STXBP5: variants seen among roughly 807,000 people sequenced by gnomAD.
STXBP5 encodes syntaxin binding protein 5, also known as syntaxin-binding protein 5.
Under a neutral mutation model 152.4 loss-of-function variants are expected in STXBP5, and 50 were observed. The observed-to-expected ratio is 0.33, with a 90% CI of 0.26 to 0.42. The LOEUF is 0.42. STXBP5 is among the 10% of genes least tolerant of loss of function. STXBP5 has a pLI of 1.00. For synonymous variants in STXBP5, 492 were observed against 494.7 expected, an observed-to-expected ratio of 0.99 and a Z score of 0.07; for missense variants, 1,167 against 1,388.6, an observed-to-expected ratio of 0.84 and a Z score of 2.54.
intron 23 of STXBP5, among the ~76,000 whole-genome samples, chr6:147,359,673 A>G (rs1427734838): frequency 7.5e-6 from 1 of 133,030 alleles, no homozygotes; most frequent in South Asian, 2.3e-4. Flanking sequence ...ATGTGTTCTC[A>G]TTGTTCAGTT....
At chr6:147,319,758 T>C (rs1417369342) in intron 16 of STXBP5, among the ~76,000 whole-genome samples, 1 of 151,472 alleles carries the variant, frequency 6.6e-6, no homozygotes, top group Non-Finnish European at 1.5e-5. Context: ...CAGAGTCCTG[T>C]CACCTGTAAT....
chr6:147,290,959 A>G (rs926356285), intron 8 of STXBP5, 135 bp from the exon 9 acceptor site: 10 of 583,196 alleles, frequency 1.7e-5, no homozygotes, highest in Non-Finnish European at 2.3e-5. Flanking sequence ...TGTGTATTAA[A>G]TGCCTCTTTC....
chr6:147,335,428 A>G (rs745843930), intron 19 of STXBP5, among the ~76,000 whole-genome samples: 1 of 152,210 alleles, frequency 6.6e-6, no homozygotes, highest in Non-Finnish European at 1.5e-5. Context: ...TGTTAAGGAT[A>G]TAAGCCAGGG....
chr6:147,364,964 T>C (rs1435107171), intron 25 of STXBP5, among the ~76,000 whole-genome samples: 1 of 152,190 alleles, frequency 6.6e-6, no homozygotes, highest in Non-Finnish European at 1.5e-5. Context: ...AACTATACAA[T>C]TATGTAATCA....
chr6:147,218,474 TG>T (rs1777292508), intron 2 of STXBP5, among the ~76,000 whole-genome samples: 1 of 152,138 alleles, frequency 6.6e-6, no homozygotes, highest in South Asian at 2.1e-4. Context: ...TGAATGACTA[TG>T]TTTTTTGGTT....
chr6:147,347,960 ATTGT>A (rs1171323538), intron 21 of STXBP5, among the ~76,000 whole-genome samples: 1 of 152,214 alleles, frequency 6.6e-6, no homozygotes, highest in East Asian at 1.9e-4. Context: ...ATGTTGGGTG[ATTGT>A]TTTTAATGTA....
intron 4 of STXBP5, among the ~76,000 whole-genome samples, chr6:147,249,896 T>A (rs2115272747): frequency 6.6e-6 from 1 of 152,206 alleles, no homozygotes; most frequent in East Asian, 1.9e-4. Flanking sequence ...AGAAAGTTTT[T>A]AAAAGTATCA....
rs943709007 is a variant in STXBP5, at chr6:147,388,821, T to C, written c.*4066T>C. The C allele has an allele frequency of 6.6e-6, 1 of 150,496 alleles. No individual in the cohort carries two copies. The highest frequency in any genetic ancestry group is 1.5e-5 in the Non-Finnish European group (1 of 67,342). 9.3% of individuals were successfully genotyped at this position (150,496 alleles called of 1,614,324 possible). On this transcript the variant is annotated 3_prime_UTR_variant, in exon 28 of 28. Transcript: ENST00000321680. Reference sequence around the variant, plus strand: ...GTTTTAAAATATAGATATATATATATATATTTAAAATAGTTTTCCAGGTAT... The same window carrying C: ...GTTTTAAAATATAGATATATATATACATATTTAAAATAGTTTTCCAGGTAT...
chr6:147,220,496 G>A (rs185546156), intron 2 of STXBP5, among the ~76,000 whole-genome samples: 5 of 152,056 alleles, frequency 3.3e-5, no homozygotes, highest in Non-Finnish European at 5.9e-5. Flanking sequence ...CTGTAATAGC[G>A]GATTCATATA....
At chr6:147,218,000 T>C (rs943938243) in intron 2 of STXBP5, among the ~76,000 whole-genome samples, 1 of 151,934 alleles carries the variant, frequency 6.6e-6, no homozygotes, top group Non-Finnish European at 1.5e-5. Flanking sequence ...CCTACTCTTA[T>C]CATGATGATG....
Position 147,387,085 on chromosome 6 carries a change from T to C in STXBP5, c.*2330T>C, listed in dbSNP as rs1366574554. 6.6e-6 allele frequency: 1 copy of C among 151,696 alleles called. No individual in the cohort carries two copies. 9.4% of individuals were successfully genotyped at this position (151,696 alleles called of 1,614,324 possible). A position where few individuals can be genotyped will look rare whatever the true frequency, so the allele number is the denominator to read the frequency against. Reference sequence around the variant, plus strand: ...AATTTTTAAATTAATCTACAAATTATGCACAACAAACTAGAGACTCAGTTA... The same window carrying C: ...AATTTTTAAATTAATCTACAAATTACGCACAACAAACTAGAGACTCAGTTA... On this transcript the variant is annotated 3_prime_UTR_variant, in exon 28 of 28. Coordinates refer to ENST00000321680, the MANE Select transcript of STXBP5 (RefSeq NM_001127715.4).
chr6:147,361,607 G>A (rs1410489807), intron 23 of STXBP5, among the ~76,000 whole-genome samples: 4 of 152,060 alleles, frequency 2.6e-5, no homozygotes, highest in African/African-American at 9.7e-5. Flanking sequence ...TTTTCTTCAA[G>A]AGGAAGATTC....
intron 21 of STXBP5, among the ~76,000 whole-genome samples, chr6:147,341,647 T>G (rs1784097552): frequency 6.6e-6 from 1 of 152,012 alleles, no homozygotes; most frequent in Non-Finnish European, 1.5e-5. Context: ...CGAGAGTAAC[T>G]GCTGCTGGTG....
At chr6:147,233,264 A>G (rs1350759766) in intron 2 of STXBP5, among the ~76,000 whole-genome samples, 1 of 151,772 alleles carries the variant, frequency 6.6e-6, no homozygotes, top group African/African-American at 2.4e-5. Flanking sequence ...AAAGAAATAG[A>G]CTGTATATGA....
At chr6:147,349,719 C>T (rs1784505129) in intron 21 of STXBP5, among the ~76,000 whole-genome samples, 1 of 152,022 alleles carries the variant, frequency 6.6e-6, no homozygotes, top group Non-Finnish European at 1.5e-5. Context: ...AATGTGAGCT[C>T]CTGGGAGGCC....
At chr6:147,258,116 G>A (rs1174026188) in intron 4 of STXBP5, among the ~76,000 whole-genome samples, 1 of 152,174 alleles carries the variant, frequency 6.6e-6, no homozygotes, top group Non-Finnish European at 1.5e-5. Context: ...TTCAAACTAT[G>A]CCTGTGGCAC....
At chr6:147,266,581 G>A (rs1381852535) in intron 6 of STXBP5, among the ~76,000 whole-genome samples, 1 of 152,064 alleles carries the variant, frequency 6.6e-6, no homozygotes, top group African/African-American at 2.4e-5. Context: ...ACTGCAACAG[G>A]GAATTCCAGA....
At chr6:147,253,723 G>T (rs1779215065) in intron 4 of STXBP5, among the ~76,000 whole-genome samples, 1 of 152,028 alleles carries the variant, frequency 6.6e-6, no homozygotes, top group South Asian at 2.1e-4. Flanking sequence ...AAATACCTAG[G>T]AATACAACTT....
chr6:147,352,084 G>C (rs1784612598), intron 21 of STXBP5, among the ~76,000 whole-genome samples: 1 of 152,166 alleles, frequency 6.6e-6, no homozygotes, highest in South Asian at 2.1e-4. Context: ...GACAATAACT[G>C]ATTTTGAGGA....
Sources: gnomAD v4.1 joint callset for allele counts (sites outside exome capture counted in the v4.1 genomes callset) on GRCh38, gnomAD v4.1.1 for gene constraint, MANE v1.5 for transcripts, NCBI Gene and HGNC (gene_info 2026-07-23, HGNC 2026-07-21) for gene names.